Variants in PRKCH observed in about 807,000 individuals in gnomAD.
PRKCH encodes the protein protein kinase C eta type.
In PRKCH, 28 loss-of-function variants were observed where a neutral mutation model predicts 82.5. The observed-to-expected ratio is 0.34, with a 90% CI of 0.25 to 0.47. PRKCH has a LOEUF of 0.47. Among genes scored for constraint, PRKCH ranks in the 20% least tolerant of loss-of-function variants. The probability of loss-of-function intolerance (pLI) is 1.00; values close to 1 mark genes in which losing one functional copy is unlikely to be tolerated. For synonymous variants in PRKCH, 322 were observed against 327.4 expected, an observed-to-expected ratio of 0.98 and a Z score of 0.18; for missense variants, 705 against 881.8, an observed-to-expected ratio of 0.80 and a Z score of 2.54.
chr14:61,214,283 G>T (rs1197696551), intron 1 of PRKCH, among the ~76,000 whole-genome samples: 1 of 152,202 alleles, frequency 6.6e-6, no homozygotes, highest in Non-Finnish European at 1.5e-5. Context: ...GGAGAGTTAG[G>T]TGGGGAGGGA....
At chr14:61,286,066 C>T (rs1405325059) in intron 1 of PRKCH, among the ~76,000 whole-genome samples, 2 of 152,228 alleles carry the variant, frequency 1.3e-5, no homozygotes, top group African/African-American at 4.8e-5. Flanking sequence ...ACTTGTCTGG[C>T]TGTTCTCAGT....
chr14:61,524,749 C>T (rs967894409), intron 10 of PRKCH, among the ~76,000 whole-genome samples: 1 of 152,174 alleles, frequency 6.6e-6, no homozygotes, highest in Non-Finnish European at 1.5e-5. Context: ...CGTTTGGATG[C>T]AAGCCAACAT....
At chr14:61,378,077 A>T (rs922693457) in intron 1 of PRKCH, among the ~76,000 whole-genome samples, 1 of 152,180 alleles carries the variant, frequency 6.6e-6, no homozygotes, top group Middle Eastern at 3.2e-3. Context: ...CACTTCTCAC[A>T]GGTTGCTCCT....
chr14:61,238,995 T>G (rs2044813095), intron 1 of PRKCH, among the ~76,000 whole-genome samples: 1 of 152,184 alleles, frequency 6.6e-6, no homozygotes, highest in South Asian at 2.1e-4. Context: ...ATGAAGCATA[T>G]TAGCTGCTGT....
At chr14:61,319,584 A>G (rs892060883), upstream of PRKCH, among the ~76,000 whole-genome samples, 1 of 152,120 alleles carries the variant, frequency 6.6e-6, no homozygotes, top group Non-Finnish European at 1.5e-5. Flanking sequence ...AAAAAAATTT[A>G]AAGTCTACAC....
At chr14:61,532,373 G>A (rs1364443358) in intron 12 of PRKCH, among the ~76,000 whole-genome samples, 3 of 152,094 alleles carry the variant, frequency 2.0e-5, no homozygotes, top group African/African-American at 7.2e-5. Flanking sequence ...TATAAACACT[G>A]GATTAGCAAT....
chr14:61,535,836 C>T (rs1566933405), intron 12 of PRKCH, among the ~76,000 whole-genome samples: 1 of 152,132 alleles, frequency 6.6e-6, no homozygotes, highest in East Asian at 1.9e-4. Context: ...TGGGGAGAAA[C>T]AGATGAAACA....
At chr14:61,364,941 G>A (rs1185777591) in intron 1 of PRKCH, among the ~76,000 whole-genome samples, 1 of 152,028 alleles carries the variant, frequency 6.6e-6, no homozygotes, top group African/African-American at 2.4e-5. Context: ...TGGCTTGTAT[G>A]GTTAAAAAGC....
At chr14:61,533,722 T>C (rs1490715477) in intron 12 of PRKCH, among the ~76,000 whole-genome samples, 1 of 152,216 alleles carries the variant, frequency 6.6e-6, no homozygotes, top group Non-Finnish European at 1.5e-5. Context: ...ACTGCGTGGT[T>C]GGCATGAGAT....
At chr14:61,339,603 G>T (rs184327922) in intron 1 of PRKCH, among the ~76,000 whole-genome samples, 1 of 141,330 alleles carries the variant, frequency 7.1e-6, no homozygotes, top group Non-Finnish European at 1.5e-5. Context: ...GATTACAGGC[G>T]TGAGCCACCA....
chr14:61,238,569 T>G (rs2044809643), intron 1 of PRKCH, among the ~76,000 whole-genome samples: 1 of 152,216 alleles, frequency 6.6e-6, no homozygotes, highest in African/African-American at 2.4e-5. Flanking sequence ...CATTTACATT[T>G]TATTCACCTC....
chr14:61,464,648 T>C (rs907642373), intron 9 of PRKCH, among the ~76,000 whole-genome samples: 9 of 152,246 alleles, frequency 5.9e-5, no homozygotes, highest in African/African-American at 1.7e-4. Flanking sequence ...TTTGATTTTC[T>C]GTTCCTGTGT....
intron 4 of PRKCH, 103 bp from the exon 5 acceptor site, chr14:61,449,061 G>T: frequency 9.8e-7 from 1 of 1,019,380 alleles, no homozygotes; most frequent in South Asian, 1.4e-5. Context: ...GGGGCCAGAC[G>T]AGTCCAGTCT....
chr14:61,202,001 T>C (rs1594849580), intron 1 of PRKCH, among the ~76,000 whole-genome samples: 1 of 152,334 alleles, frequency 6.6e-6, no homozygotes, highest in East Asian at 1.9e-4. Context: ...CACATTACTT[T>C]TTATAATAAG....
chr14:61,238,242 G>A (rs1184193680), intron 1 of PRKCH, among the ~76,000 whole-genome samples: 1 of 152,146 alleles, frequency 6.6e-6, no homozygotes, highest in African/African-American at 2.4e-5. Context: ...TTGGGTTCCT[G>A]TGTCAAGGAG....
At position 61,310,550 on chromosome 14, in the gene PRKCH, G is replaced by A. The variant is rs941750681; in HGVS notation, c.-19+122882G>A. On this transcript the variant is annotated intron_variant, in intron 1 of 3. Coordinates refer to the PRKCH transcript ENST00000555185. ...GCCTTGGGCAGCTCCACCCCTGTGG[G>A]TCTTCAAGGTACAGCTCCCTTCCTG... 1.2e-4 allele frequency among the ~76,000 whole-genome samples: 19 copies of A among 152,222 alleles called. 1 individual carries two copies. Among genetic ancestry groups the A allele is most frequent in the Admixed American group, 6.5e-5 (1 of 15,282 alleles).
At chr14:61,500,951 G>A (rs1200841138) in intron 10 of PRKCH, among the ~76,000 whole-genome samples, 1 of 152,160 alleles carries the variant, frequency 6.6e-6, no homozygotes, top group Non-Finnish European at 1.5e-5. Flanking sequence ...CAGGTTGATT[G>A]CATGGAACAG....
chr14:61,221,622 C>T (rs1013487459), intron 1 of PRKCH, among the ~76,000 whole-genome samples: 1 of 152,128 alleles, frequency 6.6e-6, no homozygotes, highest in Non-Finnish European at 1.5e-5. Context: ...GTAGCTGGCA[C>T]TCTGTTCCCC....
intron 10 of PRKCH, among the ~76,000 whole-genome samples, chr14:61,502,986 A>G (rs1311523003): frequency 6.4e-5 from 9 of 140,130 alleles, no homozygotes; most frequent in African/African-American, 7.9e-5. Context: ...AATGTAAGAG[A>G]GGAAGGGAAG....
Sources: gnomAD v4.1 joint callset for allele counts (sites outside exome capture counted in the v4.1 genomes callset) on GRCh38, gnomAD v4.1.1 for gene constraint, MANE v1.5 for transcripts, NCBI Gene and HGNC (gene_info 2026-07-23, HGNC 2026-07-21) for gene names.